The following LBH variants were observed in gnomAD, a reference collection of about 807,000 sequenced individuals.
LBH encodes LBH regulator of Wnt signaling pathway, also known as protein LBH.
A neutral mutation model predicts 12.5 loss-of-function variants in LBH; 7 were observed. The ratio of observed to expected loss-of-function variants is 0.56; its 90% CI spans 0.32 to 1.05. The LOEUF is 1.05. Among genes scored for constraint, LBH ranks in the 50% least tolerant of loss-of-function variants. The probability of loss-of-function intolerance (pLI) is 0.04; values close to 1 mark genes in which losing one functional copy is unlikely to be tolerated. For synonymous variants in LBH, 51 were observed against 50.1 expected (o/e 1.02, Z -0.08); for missense variants, 119 against 138.9 (o/e 0.86, Z 0.72).
chr2:30,248,899 G>C (rs565615236), intron 2 of LBH, among the ~76,000 whole-genome samples: 1 of 152,182 alleles, frequency 6.6e-6, no homozygotes, highest in African/African-American at 2.4e-5. Flanking sequence ...AAGTTTCAAG[G>C]CTGGAGGCTT....
intron 2 of LBH, among the ~76,000 whole-genome samples, chr2:30,242,155 T>C (rs1677801596): frequency 6.6e-6 from 1 of 152,172 alleles, no homozygotes; most frequent in South Asian, 2.1e-4. Flanking sequence ...TTCCTTAGCA[T>C]AGAGACTGTG....
Position 30,239,015 on chromosome 2 carries a change from G to A in LBH, c.129+4508G>A, listed in dbSNP as rs536542541. On this transcript the variant is annotated intron_variant, in intron 2 of 2. Coordinates refer to ENST00000395323, the MANE Select transcript of LBH (RefSeq NM_030915.4). ...AGCGATTCTCCTGCTTCAGCCTCCC[G>A]AGTAGCTGGGACTACAGGAGTGTGC... Among the ~76,000 whole-genome samples the A allele has an allele frequency of 1.1e-4, 16 of 150,748 alleles. No homozygotes were observed. In the South Asian group the frequency reaches 2.7e-3, roughly 26 times the overall value.
chr2:30,243,604 C>G (rs2103559171), intron 2 of LBH, among the ~76,000 whole-genome samples: 1 of 145,326 alleles, frequency 6.9e-6, no homozygotes, highest in South Asian at 2.2e-4. Flanking sequence ...GATCTCAGCT[C>G]ACTGCAACCT....
chr2:30,245,976 T>TC (rs1349208753), intron 2 of LBH, among the ~76,000 whole-genome samples: 1 of 140,332 alleles, frequency 7.1e-6, no homozygotes, highest in Non-Finnish European at 1.6e-5. Context: ...TTTTTTTTTT[T>TC]CCCTTGAGAC....
chr2:30,254,314 CTCTCTGTCTCTG>C (rs930551720), intron 2 of LBH, among the ~76,000 whole-genome samples: 12 of 152,158 alleles, frequency 7.9e-5, no homozygotes, highest in Non-Finnish European at 7.3e-5. Context: ...AATGTGGTCT[CTCTCTGTCTCTG>C]TCTCTGTCTC....
intron 2 of LBH, among the ~76,000 whole-genome samples, chr2:30,239,140 G>C (rs1283912366): frequency 6.6e-6 from 1 of 152,084 alleles, no homozygotes; most frequent in African/African-American, 2.4e-5. Flanking sequence ...ATCTCTCAAA[G>C]AACAGGCTCA....
intron 2 of LBH, among the ~76,000 whole-genome samples, chr2:30,251,669 G>GAAA (rs200828977): frequency 9.0e-6 from 1 of 111,016 alleles, no homozygotes; most frequent in Non-Finnish European, 1.8e-5. Context: ...CCTATCTCAA[G>GAAA]AAAAAAAAAA....
chr2:30,231,822 G>A, intron 1 of LBH, 58 bp downstream of exon 1: 1 of 1,488,618 alleles, frequency 6.7e-7, no homozygotes, highest in Non-Finnish European at 9.0e-7. Flanking sequence ...GCGGGCCCGG[G>A]CGCCTGCTTC....
chr2:30,253,808 G>A (rs765437056), intron 2 of LBH, among the ~76,000 whole-genome samples: 1 of 152,134 alleles, frequency 6.6e-6, no homozygotes, highest in South Asian at 2.1e-4. Context: ...CCAAGAACTT[G>A]TACCCATCTA....
chr2:30,234,127 C>A (rs533512543), intron 1 of LBH: 49 of 348,656 alleles, frequency 1.4e-4, no homozygotes, highest in African/African-American at 9.5e-4. Flanking sequence ...ATTCAGGGTC[C>A]CTCTGTGCCA....
chr2:30,231,643 G>A lies in LBH; in HGVS notation c.-96G>A, dbSNP rs528107202. 1 of 1,291,906 alleles carries A rather than the reference G, an allele frequency of 7.7e-7. No individual in the cohort carries two copies. Among genetic ancestry groups the A allele is most frequent in the Admixed American group, 1.8e-5 (1 of 54,956 alleles). The allele number at this position is 1,291,906 out of a possible 1,614,324, so 80.0% of individuals were successfully genotyped here. A position where few individuals can be genotyped will look rare whatever the true frequency, so the allele number is the denominator to read the frequency against. On this transcript the variant is annotated 5_prime_UTR_variant, in exon 1 of 3. Coordinates refer to ENST00000395323, the MANE Select transcript of LBH (RefSeq NM_030915.4). ...GAGCGCCCGGTGTCCGCACTCGGCC[G>A]CCTGCCGTGCCCGTCTGCGCCCGTG...
chr2:30,233,663 T>A (rs1677632553), intron 1 of LBH, among the ~76,000 whole-genome samples: 1 of 152,250 alleles, frequency 6.6e-6, no homozygotes, highest in Non-Finnish European at 1.5e-5. Flanking sequence ...CACTTTCACA[T>A]GTCAGCCATT....
intron 2 of LBH, among the ~76,000 whole-genome samples, chr2:30,239,698 G>T: frequency 6.6e-6 from 1 of 152,118 alleles, no homozygotes; most frequent in African/African-American, 2.4e-5. Context: ...CACAGGAATG[G>T]GATGTAGAAC....
At position 30,257,762 on chromosome 2, in the gene LBH, C is replaced by T. The variant is rs538020460; in HGVS notation, c.*141C>T. The T allele has an allele frequency of 8.8e-5, 50 of 566,702 alleles. 1 individual carries two copies. The South Asian group carries it at 1.2e-3, about 13-fold the overall frequency. 35.1% of individuals were successfully genotyped at this position (566,702 alleles called of 1,614,324 possible). On this transcript the variant is annotated 3_prime_UTR_variant, in exon 3 of 3. Transcript: ENST00000395323. ...GCTTCTGTTTTGCACCTGCAGATCA[C>T]CGAGTTGGTTTTCTTTTCTTTTCTT...
chr2:30,248,343 G>A (rs190401315), intron 2 of LBH, among the ~76,000 whole-genome samples: 15 of 152,304 alleles, frequency 9.8e-5, no homozygotes, highest in South Asian at 2.1e-4. Flanking sequence ...AGTAAAGGCC[G>A]TGGGGCAGGG....
In LBH at chr2:30,243,106, T is replaced by C. The variant is rs530390068; in HGVS notation, c.129+8599T>C. On this transcript the variant is annotated intron_variant, in intron 2 of 2. Coordinates refer to ENST00000395323, the MANE Select transcript of LBH (RefSeq NM_030915.4). ...CTTTTTGGATAGAATCAGAAAGATATTTGGCTATTTTAAAGTGTTTAGGAG... is the reference window on the plus strand; with the variant it reads ...CTTTTTGGATAGAATCAGAAAGATACTTGGCTATTTTAAAGTGTTTAGGAG... Among the ~76,000 whole-genome samples, 107 of 152,330 alleles carry C rather than the reference T, an allele frequency of 7.0e-4. 1 individual carries two copies. The South Asian group carries it at 0.019, about 27-fold the overall frequency.
chr2:30,251,424 T>C lies in LBH; in HGVS notation c.130-6009T>C, dbSNP rs1251076488. On this transcript the variant is annotated intron_variant, in intron 2 of 2. Coordinates refer to ENST00000395323, the MANE Select transcript of LBH (RefSeq NM_030915.4). ...CCCTTGACCTTTCAAGTGAATTCAT[T>C]TGAGTTCCCAAAATGCCACGGCCTG... Among the ~76,000 whole-genome samples the C allele has an allele frequency of 7.2e-5, 11 of 152,254 alleles. No homozygotes were observed. The East Asian group carries it at 1.5e-3, about 21-fold the overall frequency.
At chr2:30,232,316 C>A in intron 1 of LBH, 2 of 1,384,094 alleles carry the variant, frequency 1.4e-6, no homozygotes, top group Non-Finnish European at 9.6e-7. Context: ...TGCAGCCTCT[C>A]AACCCCTGCC....
chr2:30,257,396 T>C (rs759776347), intron 2 of LBH, 37 bp from the exon 3 acceptor site: 1 of 1,608,978 alleles, frequency 6.2e-7, no homozygotes. Context: ...TTTTCAAATA[T>C]CTACGTGACC....
Sources: gnomAD v4.1 joint callset for allele counts (sites outside exome capture counted in the v4.1 genomes callset) on GRCh38, gnomAD v4.1.1 for gene constraint, MANE v1.5 for transcripts, NCBI Gene and HGNC (gene_info 2026-07-23, HGNC 2026-07-21) for gene names.